Variants in RNF115 observed in about 807,000 individuals in gnomAD.
RNF115 encodes ring finger protein 115, also known as E3 ubiquitin-protein ligase RNF115.
In RNF115, 31 loss-of-function variants were observed where a neutral mutation model predicts 39.2. That is an observed-to-expected ratio of 0.79 (90% CI 0.59 to 1.07). The LOEUF is 1.07. RNF115 is among the 50% of genes least tolerant of loss of function. RNF115 has a pLI of 0.00. For synonymous variants in RNF115, 124 were observed against 131.0 expected, an observed-to-expected ratio of 0.95 and a Z score of 0.37; for missense variants, 384 against 381.7, an observed-to-expected ratio of 1.01 and a Z score of -0.05.
intron 3 of RNF115, chr1:145,773,228 T>C (rs1449269341): frequency 1.3e-5 from 2 of 152,214 alleles, no homozygotes; most frequent in African/African-American, 4.8e-5. Context: ...TTTCTGTTCA[T>C]TTCTTTTTTC....
At chr1:145,775,396 CTTTT>C (rs782425915) in intron 3 of RNF115, among the ~76,000 whole-genome samples, 4 of 137,086 alleles carry the variant, frequency 2.9e-5, no homozygotes, top group Non-Finnish European at 3.2e-5. Context: ...TGAATGTGGC[CTTTT>C]TTTTTTTTTT....
intron 4 of RNF115, 113 bp from the exon 5 acceptor site, chr1:145,753,162 G>T: frequency 1.5e-6 from 1 of 685,380 alleles, no homozygotes. Flanking sequence ...GCTTTTCATT[G>T]GCTAGTACAC....
chr1:145,807,059 C>T (rs1198562644), intron 1 of RNF115, among the ~76,000 whole-genome samples: 3 of 152,204 alleles, frequency 2.0e-5, no homozygotes, highest in Admixed American at 6.5e-5. Flanking sequence ...CCTAGAACAG[C>T]TCCTGGAATA....
chr1:145,802,375 G>C (rs1553720990), intron 1 of RNF115, among the ~76,000 whole-genome samples: 5 of 152,236 alleles, frequency 3.3e-5, no homozygotes, highest in South Asian at 4.1e-4. Context: ...GAAAAGGGTG[G>C]TTTTAATGCA....
chr1:145,819,286 A>C (rs1650128678), intron 1 of RNF115, among the ~76,000 whole-genome samples: 1 of 143,426 alleles, frequency 7.0e-6, no homozygotes, highest in African/African-American at 2.7e-5. Flanking sequence ...AAAAAAAAAA[A>C]AAAAAAAAAA....
chr1:145,779,175 ATTT>A (rs35142462), intron 3 of RNF115, among the ~76,000 whole-genome samples: 10 of 142,048 alleles, frequency 7.0e-5, no homozygotes, highest in Admixed American at 7.0e-5. Flanking sequence ...TGAAGTCCTA[ATTT>A]TTTTTTTTTT....
chr1:145,743,333 G>C lies in RNF115; in HGVS notation c.*3533C>G, dbSNP rs1409429662. 1 of 152,132 alleles carries C rather than the reference G, an allele frequency of 6.6e-6. No individual in the cohort carries two copies. Among genetic ancestry groups the C allele is most frequent in the Non-Finnish European group, 1.5e-5 (1 of 68,088 alleles). 9.4% of individuals were successfully genotyped at this position (152,132 alleles called of 1,614,324 possible). A position where few individuals can be genotyped will look rare whatever the true frequency, so the allele number is the denominator to read the frequency against. On this transcript the variant is annotated 3_prime_UTR_variant, in exon 9 of 9. Coordinates refer to ENST00000582693, the MANE Select transcript of RNF115 (RefSeq NM_014455.4). ...TGAACTAAGACCTCAGTCTTTTCCT[G>C]CCTCTGAACTGGAACAGAAACATCA...
intron 1 of RNF115, among the ~76,000 whole-genome samples, chr1:145,803,941 G>C (rs1303160015): frequency 6.6e-6 from 1 of 152,172 alleles, no homozygotes; most frequent in African/African-American, 2.4e-5. Flanking sequence ...ACATAATATA[G>C]CAGAAAAGAT....
At position 145,739,300 on chromosome 1, in the gene RNF115, T is replaced by C. The variant is rs1553710686; in HGVS notation, c.*7566A>G. On this transcript the variant is annotated 3_prime_UTR_variant, in exon 9 of 9. Transcript: ENST00000582693. ...AATAAAGGGGTAAGAGCACAGAAAT[T>C]TAGCTACAGCTCCATGGTGAGCCAT... 1.3e-5 allele frequency: 2 copies of C among 152,152 alleles called. No individual in the cohort carries two copies. The highest frequency in any genetic ancestry group is 2.4e-5 in the African/African-American group (1 of 41,428). The allele number at this position is 152,152 out of a possible 1,614,324, so 9.4% of individuals were successfully genotyped here. A position where few individuals can be genotyped will look rare whatever the true frequency, so the allele number is the denominator to read the frequency against.
At chr1:145,750,740 C>A (rs1571705470) in intron 6 of RNF115, among the ~76,000 whole-genome samples, 1 of 152,122 alleles carries the variant, frequency 6.6e-6, no homozygotes, top group Non-Finnish European at 1.5e-5. Flanking sequence ...GCAAGGCCCA[C>A]CTCTAGGCAT....
At chr1:145,794,718 T>C (rs1553719633) in intron 1 of RNF115, among the ~76,000 whole-genome samples, 1 of 151,414 alleles carries the variant, frequency 6.6e-6, no homozygotes, top group Admixed American at 6.6e-5. Context: ...GTTACACTTC[T>C]TAAAGATGGT....
intron 7 of RNF115, among the ~76,000 whole-genome samples, chr1:145,748,719 T>C (rs937025301): frequency 1.2e-4 from 18 of 151,968 alleles, no homozygotes; most frequent in Non-Finnish European, 8.8e-5. Context: ...ACCCTGTCTC[T>C]ACTAAAAATA....
intron 5 of RNF115, among the ~76,000 whole-genome samples, chr1:145,751,758 A>C (rs781831736): frequency 2.0e-5 from 3 of 152,204 alleles, no homozygotes; most frequent in Non-Finnish European, 4.4e-5. Flanking sequence ...GTACCACATG[A>C]CACGCCAGAA....
intron 3 of RNF115, among the ~76,000 whole-genome samples, chr1:145,783,814 T>C (rs587766934): frequency 1.5e-3 from 232 of 151,874 alleles, no homozygotes; most frequent in Non-Finnish European, 2.4e-3. Flanking sequence ...TAAGAACAGT[T>C]ACAATGGTTT....
In RNF115 at chr1:145,739,579, AT is replaced by A. The variant is rs35347418; in HGVS notation, c.*7286del. On this transcript the variant is annotated 3_prime_UTR_variant, in exon 9 of 9. Coordinates refer to ENST00000582693, the MANE Select transcript of RNF115 (RefSeq NM_014455.4). ...CAGCTATTTGTCATTGGGCAAATGA[AT>A]TTTTTTTTTTTTTTTTTGAGACGGA... 0.45 allele frequency: 61,251 copies of A among 137,286 alleles called. 13,958 individuals are homozygous for A. Among genetic ancestry groups the A allele is most frequent in the East Asian group, 0.66 (2,974 of 4,532 alleles). The allele number at this position is 137,286 out of a possible 1,614,324, so 8.5% of individuals were successfully genotyped here.
At chr1:145,807,891 C>T (rs1349134037) in intron 1 of RNF115, among the ~76,000 whole-genome samples, 6 of 152,148 alleles carry the variant, frequency 3.9e-5, no homozygotes, top group Admixed American at 6.6e-5. Flanking sequence ...CATTCTCTAC[C>T]TGCATGAAAT....
intron 4 of RNF115, among the ~76,000 whole-genome samples, chr1:145,768,356 C>T (rs1329608666): frequency 6.6e-6 from 1 of 152,214 alleles, no homozygotes; most frequent in Non-Finnish European, 1.5e-5. Context: ...TGCTCTGTCG[C>T]CCAGGCTGGA....
At chr1:145,761,831 C>T (rs1658519466) in intron 4 of RNF115, among the ~76,000 whole-genome samples, 1 of 152,172 alleles carries the variant, frequency 6.6e-6, no homozygotes, top group African/African-American at 2.4e-5. Context: ...CTGGAAAAGC[C>T]ACAGACACTC....
At chr1:145,799,076 T>C (rs9660158) in intron 1 of RNF115, among the ~76,000 whole-genome samples, 5,560 of 151,410 alleles carry the variant, frequency 0.037, 337 homozygotes, top group African/African-American at 0.13. Flanking sequence ...GGTTTTCTTT[T>C]TTTTTTTTTT....
Sources: gnomAD v4.1 joint callset for allele counts (sites outside exome capture counted in the v4.1 genomes callset) on GRCh38, gnomAD v4.1.1 for gene constraint, MANE v1.5 for transcripts, NCBI Gene and HGNC (gene_info 2026-07-23, HGNC 2026-07-21) for gene names.